The following SPATA1 variants were observed in gnomAD, a reference collection of about 807,000 sequenced individuals.
SPATA1 encodes the protein spermatogenesis-associated protein 1.
Under a neutral mutation model 59.6 loss-of-function variants are expected in SPATA1, and 57 were observed. The observed-to-expected ratio is 0.96, with a 90% confidence interval of 0.77 to 1.19. SPATA1 has a LOEUF of 1.19. Among genes scored for constraint, SPATA1 ranks in the 50% most tolerant of loss-of-function variants. The probability of loss-of-function intolerance (pLI) is 0.00; values close to 1 mark genes in which losing one functional copy is unlikely to be tolerated. For missense variants in SPATA1, 448 were observed against 480.7 expected, an observed-to-expected ratio of 0.93 and a Z score of 0.64; for synonymous variants, 147 against 163.9, an observed-to-expected ratio of 0.90 and a Z score of 0.79.
exon 6 of SPATA1, chr1:84,526,016 G>A: frequency 6.2e-7 from 1 of 1,613,370 alleles, no homozygotes; most frequent in Non-Finnish European, 8.5e-7. Flanking sequence ...ACTTGGAAGA[G>A]ATCCCAGTTT....
intron 1 of SPATA1, among the ~76,000 whole-genome samples, chr1:84,513,114 G>T (rs942935660): frequency 3.9e-5 from 6 of 152,076 alleles, no homozygotes; most frequent in Admixed American, 3.3e-4. Context: ...AAGTTTTTTT[G>T]GTTTTGTTTT....
chr1:84,525,956 G>A, exon 6 of SPATA1: 2 of 1,613,728 alleles, frequency 1.2e-6, no homozygotes, highest in Non-Finnish European at 1.7e-6. Flanking sequence ...TGTTAATGAG[G>A]CTGATGGAAC....
At chr1:84,526,787 G>A (rs2101953552) in intron 6 of SPATA1, among the ~76,000 whole-genome samples, 1 of 149,696 alleles carries the variant, frequency 6.7e-6, no homozygotes, top group South Asian at 2.1e-4. Context: ...AGGATTGCTT[G>A]AGCCAGGGAC....
At position 84,548,781 on chromosome 1, in the gene SPATA1, T is replaced by TTTTTTAA; in HGVS notation, c.947-5_947-4insTTTTTAA. On this transcript the variant is annotated splice_region_variant and splice_polypyrimidine_tract_variant and intron_variant, in intron 10 of 12. Transcript: ENST00000490879. The stretch of plus-strand genomic sequence containing the variant: ...TTTTTTTTTTTTTTTTTTTTTTTTT[T>TTTTTTAA]ATAGCCTACAATGGTTGGAAGAAAA... The TTTTTTAA allele has an allele frequency of 1.3e-6, 1 of 762,506 alleles. No homozygotes were observed. The highest frequency in any genetic ancestry group is 1.6e-6 in the Non-Finnish European group (1 of 606,972). The allele number at this position is 762,506 out of a possible 1,614,324, so 47.2% of individuals were successfully genotyped here.
intron 7 of SPATA1, 110 bp from the exon 8 acceptor site, chr1:84,533,599 A>G (rs1290077219): frequency 3.4e-6 from 3 of 876,506 alleles, no homozygotes; most frequent in Non-Finnish European, 1.8e-6. Flanking sequence ...GACTTTGAAA[A>G]TTTTCAATAT....
chr1:84,511,969 A>C (rs561891604), intron 1 of SPATA1, among the ~76,000 whole-genome samples: 52 of 152,198 alleles, frequency 3.4e-4, no homozygotes, highest in African/African-American at 1.1e-3. Flanking sequence ...GGCGTGAGCC[A>C]CCGCGCCTGG....
At chr1:84,558,193 A>G (rs528891621), downstream of SPATA1, among the ~76,000 whole-genome samples, 16 of 152,306 alleles carry the variant, frequency 1.1e-4, no homozygotes, top group South Asian at 3.3e-3. Flanking sequence ...GAGGTAATAC[A>G]TATGTTAAAT....
At chr1:84,547,364 T>A (rs1280506343) in intron 10 of SPATA1, among the ~76,000 whole-genome samples, 1 of 152,204 alleles carries the variant, frequency 6.6e-6, no homozygotes, top group Non-Finnish European at 1.5e-5. Flanking sequence ...AGGTATGTAT[T>A]GGCCATAAAA....
chr1:84,551,246 ATTTC>A (rs1684261549), intron 12 of SPATA1: 2 of 985,032 alleles, frequency 2.0e-6, no homozygotes, highest in Non-Finnish European at 2.4e-6. Context: ...GAATGCTCTC[ATTTC>A]TTTATCAGAA....
chr1:84,550,786 A>G, intron 12 of SPATA1: 2 of 1,044,488 alleles, frequency 1.9e-6, no homozygotes, highest in Non-Finnish European at 2.3e-6. Flanking sequence ...AGGAAAAGGA[A>G]CCTGTGAGTC....
intron 2 of SPATA1, among the ~76,000 whole-genome samples, chr1:84,518,961 T>A (rs962940576): frequency 6.6e-6 from 1 of 152,082 alleles, no homozygotes; most frequent in South Asian, 2.1e-4. Flanking sequence ...TTTTAATTTT[T>A]AAAAAATTTT....
chr1:84,522,611 T>C (rs1050835372), intron 4 of SPATA1, 104 bp downstream of exon 4: 12 of 486,940 alleles, frequency 2.5e-5, no homozygotes, highest in African/African-American at 1.8e-4. Context: ...TTATTAGATA[T>C]GTAATCTCAA....
chr1:84,553,256 G>T (rs1020431729), exon 13 of SPATA1: 2 of 526,668 alleles, frequency 3.8e-6, no homozygotes, highest in African/African-American at 2.0e-5. Flanking sequence ...TTCCATGTGG[G>T]TATTACAAAA....
chr1:84,523,048 G>A (rs1683090335), intron 4 of SPATA1, among the ~76,000 whole-genome samples: 3 of 151,910 alleles, frequency 2.0e-5, no homozygotes, highest in African/African-American at 2.4e-5. Flanking sequence ...GGGATTACAG[G>A]CATGCGACAC....
chr1:84,510,353 A>G (rs2101907408), intron 1 of SPATA1, among the ~76,000 whole-genome samples: 1 of 152,352 alleles, frequency 6.6e-6, no homozygotes, highest in South Asian at 2.1e-4. Context: ...AAAAAAGCTG[A>G]GTAAACATTT....
intron 1 of SPATA1, among the ~76,000 whole-genome samples, chr1:84,514,032 A>T (rs879679425): frequency 6.6e-6 from 1 of 151,820 alleles, no homozygotes; most frequent in Admixed American, 6.6e-5. Context: ...TTTAATAGAG[A>T]CGGGGTTTCA....
At chr1:84,539,717 T>G (rs1021296662) in intron 8 of SPATA1, among the ~76,000 whole-genome samples, 1 of 152,236 alleles carries the variant, frequency 6.6e-6, no homozygotes, top group Non-Finnish European at 1.5e-5. Flanking sequence ...TTATGTGTGT[T>G]GCAAATATCT....
chr1:84,517,202 T>C (rs1479566913), intron 2 of SPATA1, among the ~76,000 whole-genome samples: 2 of 152,262 alleles, frequency 1.3e-5, no homozygotes, highest in African/African-American at 2.4e-5. Context: ...CTAGCATACA[T>C]ATTATGTTTG....
chr1:84,513,760 T>C (rs1209334206), intron 1 of SPATA1, among the ~76,000 whole-genome samples: 1 of 152,214 alleles, frequency 6.6e-6, no homozygotes, highest in Non-Finnish European at 1.5e-5. Flanking sequence ...TCTATCTCTT[T>C]ATAAATAAGT....
Sources: gnomAD v4.1 joint callset for allele counts (sites outside exome capture counted in the v4.1 genomes callset) on GRCh38, gnomAD v4.1.1 for gene constraint, MANE v1.5 for transcripts, NCBI Gene and HGNC (gene_info 2026-07-23, HGNC 2026-07-21) for gene names.